The following TADA3 variants were observed in gnomAD, a reference collection of about 807,000 sequenced individuals.
The protein encoded by TADA3 is transcriptional adapter 3.
In TADA3, 25 loss-of-function variants were observed where a neutral mutation model predicts 43.2. The ratio of observed to expected loss-of-function variants is 0.58; its 90% CI spans 0.42 to 0.81. The LOEUF (loss-of-function observed/expected upper bound fraction) is 0.81, where lower values mean the gene tolerates loss of function less well. Ranked by LOEUF, TADA3 falls within the 30% of genes least tolerant of loss-of-function variation. The pLI, the probability that TADA3 is intolerant of heterozygous loss-of-function variation, is 0.00. For synonymous variants in TADA3, 235 were observed against 225.5 expected (o/e 1.04, Z -0.38); for missense variants, 441 against 567.8 (o/e 0.78, Z 2.27).
At chr3:9,790,054 C>A in intron 2 of TADA3, 91 bp from the exon 3 acceptor site, 1 of 1,439,544 alleles carries the variant, frequency 6.9e-7, no homozygotes, top group South Asian at 1.5e-5. Flanking sequence ...CTAGAATCTA[C>A]AGAGGCTCCT....
chr3:9,792,272 G>A lies in TADA3; in HGVS notation c.-84C>T, dbSNP rs1436287360. 1 of 156,064 alleles carries A rather than the reference G, an allele frequency of 6.4e-6. No homozygotes were observed. Among genetic ancestry groups the A allele is most frequent in the African/African-American group, 2.4e-5 (1 of 41,640 alleles). The allele number at this position is 156,064 out of a possible 1,614,324, so 9.7% of individuals were successfully genotyped here. On this transcript the variant is annotated 5_prime_UTR_variant, in exon 1 of 9. Transcript: ENST00000301964. Reference sequence around the variant, plus strand: ...ATGCCCGTCAAGAGCCCAGTTCAGTGTCTGGCACAGAAGTGGGACTGTTTA... The same window carrying A: ...ATGCCCGTCAAGAGCCCAGTTCAGTATCTGGCACAGAAGTGGGACTGTTTA...
Position 9,780,113 on chromosome 3 carries a change from G to C in TADA3, c.*244C>G, listed in dbSNP as rs1359460143. The C allele has an allele frequency of 2.5e-6, 1 of 405,488 alleles. No individual in the cohort carries two copies. Among genetic ancestry groups the C allele is most frequent in the Non-Finnish European group, 4.4e-6 (1 of 227,606 alleles). The allele number at this position is 405,488 out of a possible 1,614,324, so 25.1% of individuals were successfully genotyped here. A position where few individuals can be genotyped will look rare whatever the true frequency, so the allele number is the denominator to read the frequency against. On this transcript the variant is annotated 3_prime_UTR_variant, in exon 9 of 9. Transcript: ENST00000301964. ...GGGAAGAGGAAGACCCAGAAACGAA[G>C]TCCCCTCCAACCCCATCTCGGGGAC...
At position 9,792,437 on chromosome 3, in the gene TADA3, G is replaced by C. The variant is rs1253452657; in HGVS notation, c.-249C>G. The stretch of plus-strand genomic sequence containing the variant: ...GCCCCAGGGGCCGCGGGAGGGGGCG[G>C]GGAGTTCCGGTCGATGTGAGCAACC... On this transcript the variant is annotated 5_prime_UTR_variant, in exon 1 of 9. Coordinates refer to ENST00000301964, the MANE Select transcript of TADA3 (RefSeq NM_006354.5). 1.8e-6 allele frequency: 2 copies of C among 1,109,568 alleles called. No homozygotes were observed. Among genetic ancestry groups the C allele is most frequent in the South Asian group, 4.5e-5 (1 of 22,232 alleles). 68.7% of individuals were successfully genotyped at this position (1,109,568 alleles called of 1,614,324 possible).
chr3:9,792,730 G>C (rs892583396), upstream of TADA3: 43 of 1,236,978 alleles, frequency 3.5e-5, no homozygotes, highest in Admixed American at 4.2e-5. Context: ...AGAAAGGATG[G>C]GGGTACAGAA....
At chr3:9,792,983 C>T, upstream of TADA3, 1 of 1,444,834 alleles carries the variant, frequency 6.9e-7, no homozygotes, top group Non-Finnish European at 9.1e-7. Flanking sequence ...TTCGTAAGGG[C>T]TCTCTACCCC....
intron 8 of TADA3, 56 bp from the exon 9 acceptor site, chr3:9,780,605 C>T (rs1575290374): frequency 3.3e-6 from 5 of 1,532,440 alleles, no homozygotes; most frequent in Non-Finnish European, 4.4e-6. Context: ...AGAACAACCC[C>T]TCCCTCTTCA....
chr3:9,788,310 ATC>A (rs1447653775), intron 4 of TADA3: 1 of 152,192 alleles, frequency 6.6e-6, no homozygotes, highest in Non-Finnish European at 1.5e-5. Flanking sequence ...CAGTGGCACA[ATC>A]TCAGCTCACT....
At position 9,780,272 on chromosome 3, in the gene TADA3, C is replaced by G; in HGVS notation, c.*85G>C. 2 of 1,413,010 alleles carry G rather than the reference C, an allele frequency of 1.4e-6. No homozygotes were observed. Among genetic ancestry groups the G allele is most frequent in the Admixed American group, 4.3e-5 (2 of 46,880 alleles). 87.5% of individuals were successfully genotyped at this position (1,413,010 alleles called of 1,614,324 possible). A position where few individuals can be genotyped will look rare whatever the true frequency, so the allele number is the denominator to read the frequency against. ...CCGCCATTTGAGGGACAGCCACAGG[C>G]CAATGTTTCCTGTGCCCAAAGAAGG... On this transcript the variant is annotated 3_prime_UTR_variant, in exon 9 of 9. Coordinates refer to ENST00000301964, the MANE Select transcript of TADA3 (RefSeq NM_006354.5).
intron 4 of TADA3, among the ~76,000 whole-genome samples, chr3:9,788,571 C>T (rs1176905013): frequency 6.8e-6 from 1 of 146,642 alleles, no homozygotes; most frequent in African/African-American, 2.5e-5. Context: ...ATGGAATCTC[C>T]TTCTGTCACC....
chr3:9,787,712 A>G lies in TADA3; in HGVS notation c.565-372T>C, dbSNP rs549858809. Reference sequence around the variant, plus strand: ...ATTGCTTGAATTTACTGCTGTCTGTATGAACTCTTTTTCAGATAAATTTTT... The same window carrying G: ...ATTGCTTGAATTTACTGCTGTCTGTGTGAACTCTTTTTCAGATAAATTTTT... On this transcript the variant is annotated intron_variant, in intron 4 of 8. Transcript: ENST00000301964. The G allele has an allele frequency of 3.8e-6, 5 of 1,311,344 alleles. No homozygotes were observed. The South Asian group carries it at 6.2e-5, about 16-fold the overall frequency. The allele number at this position is 1,311,344 out of a possible 1,614,324, so 81.2% of individuals were successfully genotyped here.
chr3:9,782,580 G>A (rs1458908227), intron 8 of TADA3, among the ~76,000 whole-genome samples: 2 of 152,202 alleles, frequency 1.3e-5, no homozygotes, highest in Non-Finnish European at 2.9e-5. Context: ...CAAGTCCCTT[G>A]CTCTGCCTCT....
chr3:9,792,531 C>G (rs1187083081), upstream of TADA3: 1 of 1,224,214 alleles, frequency 8.2e-7, no homozygotes. Context: ...GAGGGCGAGC[C>G]TACTGGAGTT....
At chr3:9,792,596 G>T, upstream of TADA3, 2 of 1,230,170 alleles carry the variant, frequency 1.6e-6, no homozygotes, top group South Asian at 8.2e-5. Context: ...GGTGGGGTGC[G>T]GGTGGTCGGC....
chr3:9,792,911 A>C (rs767296180), upstream of TADA3: 44 of 1,398,028 alleles, frequency 3.1e-5, no homozygotes, highest in Non-Finnish European at 4.0e-5. Flanking sequence ...TAGTGACTCG[A>C]GTGCAAGAAT....
At chr3:9,787,757 G>A (rs2078650061) in intron 4 of TADA3, 6 of 1,248,980 alleles carry the variant, frequency 4.8e-6, no homozygotes, top group Admixed American at 2.3e-5. Flanking sequence ...GATAAGTGAA[G>A]TGAAAGAGAG....
At chr3:9,781,833 CTTTT>C (rs35246642) in intron 8 of TADA3, among the ~76,000 whole-genome samples, 26 of 86,888 alleles carry the variant, frequency 3.0e-4, no homozygotes, top group East Asian at 1.1e-3. Flanking sequence ...CCCATTACTT[CTTTT>C]TTTTTTTTTT....
Position 9,787,344 on chromosome 3 carries a change from T to C in TADA3, c.565-4A>G, listed in dbSNP as rs756807458. ...AGTGCTTCCCCAGGGGTGGGATCTGTGGAAAAGATGGCACCCAACCCTGAG... is the reference window on the plus strand; with the variant it reads ...AGTGCTTCCCCAGGGGTGGGATCTGCGGAAAAGATGGCACCCAACCCTGAG... On this transcript the variant is annotated splice_region_variant and splice_polypyrimidine_tract_variant and intron_variant, in intron 4 of 8. Transcript: ENST00000301964. 6.2e-7 allele frequency: 1 copy of C among 1,604,246 alleles called. No individual in the cohort carries two copies.
intron 8 of TADA3, among the ~76,000 whole-genome samples, chr3:9,780,931 G>C (rs2078445441): frequency 6.6e-6 from 1 of 152,108 alleles, no homozygotes; most frequent in South Asian, 2.1e-4. Context: ...TTGAGCCCAG[G>C]AGTTCGAGAC....
At chr3:9,791,135 C>T (rs903630419) in intron 2 of TADA3, 125 bp downstream of exon 2, 18 of 883,216 alleles carry the variant, frequency 2.0e-5, no homozygotes, top group African/African-American at 1.3e-4. Context: ...ACCCAGTTTG[C>T]GTCTCTCTCC....
Sources: allele counts gnomAD v4.1 joint callset (sites outside exome capture counted in the v4.1 genomes callset), GRCh38; gene constraint gnomAD v4.1.1; transcripts MANE v1.5; gene names NCBI Gene and HGNC (gene_info 2026-07-23, HGNC 2026-07-21).